The following TADA3 variants were observed in gnomAD, a reference collection of about 807,000 sequenced individuals.
TADA3 encodes transcriptional adaptor 3, also known as transcriptional adapter 3.
TADA3 carries 25 observed loss-of-function variants against 43.2 expected under a neutral mutation model. That is an observed-to-expected ratio of 0.58 (90% CI 0.42 to 0.81). The LOEUF (loss-of-function observed/expected upper bound fraction) is 0.81. TADA3 is among the 30% of genes least tolerant of loss of function. TADA3 has a pLI of 0.00. For synonymous variants in TADA3, 235 were observed against 225.5 expected (o/e 1.04, Z -0.38); for missense variants, 441 against 567.8 (o/e 0.78, Z 2.27).
chr3:9,781,738 G>A, intron 8 of TADA3: 1 of 380,588 alleles, frequency 2.6e-6, no homozygotes, highest in Non-Finnish European at 5.4e-6. Flanking sequence ...TCAGGTCAGG[G>A]GCTGCTTAAG....
upstream of TADA3, chr3:9,792,768 T>A: frequency 8.0e-7 from 1 of 1,246,812 alleles, no homozygotes. Context: ...CTCGTCCGCT[T>A]CGGCTTGTCC....
At chr3:9,786,690 T>C (rs1252001763) in intron 6 of TADA3, among the ~76,000 whole-genome samples, 2 of 152,136 alleles carry the variant, frequency 1.3e-5, no homozygotes, top group African/African-American at 2.4e-5. Context: ...AGGCTACCTT[T>C]GGGGAAAGTT....
At chr3:9,792,967 C>CA, upstream of TADA3, 1 of 1,419,404 alleles carries the variant, frequency 7.0e-7, no homozygotes, top group Non-Finnish European at 9.2e-7. Flanking sequence ...CCGGAAGGCC[C>CA]AAGCGTTCGT....
At chr3:9,784,860 A>G (rs1252584672) in intron 7 of TADA3, among the ~76,000 whole-genome samples, 1 of 150,748 alleles carries the variant, frequency 6.6e-6, no homozygotes, top group Non-Finnish European at 1.5e-5. Context: ...GCGAGACTCC[A>G]TCTCAAAAAA....
At chr3:9,792,632 C>G (rs1232194182), upstream of TADA3, 2 of 1,231,252 alleles carry the variant, frequency 1.6e-6, no homozygotes, top group Non-Finnish European at 2.0e-6. Flanking sequence ...GGGCACAGCC[C>G]GGGGCGGGAG....
chr3:9,791,292 G>A lies in TADA3; in HGVS notation c.175C>T (p.Arg59Trp). 6.2e-7 allele frequency: 1 copy of A among 1,613,510 alleles called. No homozygotes were observed. ...TCGGCCTCAAGCACACGCAGGCGCC[G>A]GCTGGCAGAAGACAGCAGGGTCTCC... ...ELETLLSSAS[R>W]RLRVLEAETQ... Residue 59 changes from arginine (R) to tryptophan (W), a missense_variant, in exon 2 of 9, where the codon CGG becomes TGG. Arg to Trp is a moderately radical substitution (Grantham distance 101). Transcript: ENST00000301964.
chr3:9,783,976 G>A, intron 8 of TADA3, 52 bp downstream of exon 8: 1 of 1,565,448 alleles, frequency 6.4e-7, no homozygotes, highest in Non-Finnish European at 8.7e-7. Context: ...GACTAGCCGT[G>A]GCCACAGCCT....
At chr3:9,787,747 G>A (rs2078649823) in intron 4 of TADA3, 5 of 1,273,932 alleles carry the variant, frequency 3.9e-6, no homozygotes, top group Non-Finnish European at 5.1e-6. Flanking sequence ...TAAGAAATCA[G>A]ATAAGTGAAG....
intron 6 of TADA3, among the ~76,000 whole-genome samples, chr3:9,786,235 G>A (rs551002103): frequency 9.9e-5 from 15 of 152,242 alleles, no homozygotes; most frequent in African/African-American, 1.9e-4. Context: ...CACCGCGCCC[G>A]GCCTCCTTGC....
intron 8 of TADA3, among the ~76,000 whole-genome samples, chr3:9,781,881 C>T (rs1165186122): frequency 6.8e-6 from 1 of 146,004 alleles, no homozygotes; most frequent in African/African-American, 2.6e-5. Context: ...ACTCTGTCAC[C>T]CAGGCTGGAG....
At chr3:9,787,723 T>A (rs2078649178) in intron 4 of TADA3, 2 of 1,300,802 alleles carry the variant, frequency 1.5e-6, no homozygotes, top group African/African-American at 3.0e-5. Context: ...TGAACTCTTT[T>A]TCAGATAAAT....
At chr3:9,788,988 G>A (rs185229104) in intron 4 of TADA3, among the ~76,000 whole-genome samples, 528 of 151,926 alleles carry the variant, frequency 3.5e-3, no homozygotes, top group Non-Finnish European at 3.9e-3. Flanking sequence ...GGCGCACACC[G>A]CCATGCCTGG....
Position 9,789,155 on chromosome 3 carries a change from A to C in TADA3, c.564+354T>G, listed in dbSNP as rs546647183. ...CCAGCCCAAGTTTTATATCTTAAAG[A>C]AAGAAGAAAGGTTCCTCCAGAGGCC... is the stretch of plus-strand genomic sequence containing the variant. On this transcript the variant is annotated intron_variant, in intron 4 of 8. Transcript: ENST00000301964. Among the ~76,000 whole-genome samples the C allele has an allele frequency of 9.2e-5, 14 of 152,298 alleles. No homozygotes were observed. The South Asian group carries it at 2.3e-3, about 25-fold the overall frequency.
chr3:9,783,723 A>G (rs2078536110), intron 8 of TADA3: 1 of 236,848 alleles, frequency 4.2e-6, no homozygotes, highest in Non-Finnish European at 8.1e-6. Context: ...GCTTGCAGTG[A>G]GCCGAGATCA....
At chr3:9,780,596 GAAC>G (rs1559714661) in intron 8 of TADA3, 47 bp from the exon 9 acceptor site, 1 of 1,550,174 alleles carries the variant, frequency 6.5e-7, no homozygotes, top group Admixed American at 1.9e-5. Context: ...CACCTCCAGA[GAAC>G]AACCCCTCCC....
At chr3:9,791,885 C>G (rs747783635) in intron 1 of TADA3, among the ~76,000 whole-genome samples, 6 of 152,146 alleles carry the variant, frequency 3.9e-5, no homozygotes, top group Non-Finnish European at 8.8e-5. Flanking sequence ...CTTTCCTTCC[C>G]TTCTATTTCT....
chr3:9,781,980 A>T (rs1312152019), intron 8 of TADA3, among the ~76,000 whole-genome samples: 1 of 151,678 alleles, frequency 6.6e-6, no homozygotes, highest in Admixed American at 6.6e-5. Context: ...GACTATAGGC[A>T]TGTGCCACCA....
At position 9,784,119 on chromosome 3, in the gene TADA3, C is replaced by T. The variant is rs753950513; in HGVS notation, c.1015G>A (p.Glu339Lys). The change falls in exon 8 of 9, where the codon GAG (glutamate) becomes AAG (lysine). Residue 339 changes from glutamate to lysine, a missense_variant. Transcript: ENST00000301964. ...ESEDRPAEDS[E>K]DEVLAELRKR... ...CGAAGCTCAGCAAGGACCTCATCCT[C>T]GGAGTCCTCTGCGGGGCGGTCCTCA... 4.3e-6 allele frequency: 7 copies of T among 1,614,226 alleles called. No homozygotes were observed. The highest frequency in any genetic ancestry group is 1.3e-5 in the African/African-American group (1 of 75,056).
At chr3:9,787,663 G>T in intron 4 of TADA3, 1 of 1,376,146 alleles carries the variant, frequency 7.3e-7, no homozygotes, top group Non-Finnish European at 9.6e-7. Context: ...TTCAGGTCAC[G>T]GGTGACAGGG....
Sources: gnomAD v4.1 joint callset for allele counts (sites outside exome capture counted in the v4.1 genomes callset) on GRCh38, gnomAD v4.1.1 for gene constraint, MANE v1.5 for transcripts, NCBI Gene and HGNC (gene_info 2026-07-23, HGNC 2026-07-21) for gene names.